CACNA1D: variants seen among roughly 807,000 people sequenced by gnomAD.
The protein encoded by CACNA1D is calcium voltage-gated channel subunit alpha1 D, also known as voltage-dependent L-type calcium channel subunit alpha-1D.
CACNA1D carries 55 observed loss-of-function variants against 257.1 expected under a neutral mutation model. The ratio of observed to expected loss-of-function variants is 0.21; its 90% CI spans 0.17 to 0.27. The LOEUF (loss-of-function observed/expected upper bound fraction) is 0.27, where lower values mean the gene tolerates loss of function less well. Among genes scored for constraint, CACNA1D ranks in the 10% least tolerant of loss-of-function variants. The pLI, the probability that CACNA1D is intolerant of heterozygous loss-of-function variation, is 1.00. For missense variants in CACNA1D, 1,876 were observed against 2,784.0 expected (o/e 0.67, Z 7.34); for synonymous variants, 980 against 1,014.9 (o/e 0.97, Z 0.65).
chr3:53,500,782 G>T (rs1041501451), intron 2 of CACNA1D, among the ~76,000 whole-genome samples: 7 of 152,288 alleles, frequency 4.6e-5, no homozygotes, highest in South Asian at 2.1e-4. Context: ...ACACCAGAAT[G>T]TTTAGGTAAG....
At chr3:53,593,389 A>G (rs1455382969) in intron 3 of CACNA1D, among the ~76,000 whole-genome samples, 2 of 152,192 alleles carry the variant, frequency 1.3e-5, no homozygotes, top group African/African-American at 2.4e-5. Context: ...TTAGGCCCAA[A>G]TGGTAAGCAA....
At chr3:53,623,935 G>T (rs762379678) in intron 3 of CACNA1D, among the ~76,000 whole-genome samples, 1 of 152,192 alleles carries the variant, frequency 6.6e-6, no homozygotes, top group African/African-American at 2.4e-5. Flanking sequence ...CGGGGACGGT[G>T]CAGAGTTCAT....
At chr3:53,569,357 T>A (rs11719461) in intron 3 of CACNA1D, among the ~76,000 whole-genome samples, 13,479 of 152,276 alleles carry the variant, frequency 0.089, 631 homozygotes, top group East Asian at 0.2. Flanking sequence ...GCTCACTGGC[T>A]TAGGCGTACG....
intron 3 of CACNA1D, among the ~76,000 whole-genome samples, chr3:53,643,345 A>G (rs1321809093): frequency 6.6e-6 from 1 of 152,036 alleles, no homozygotes; most frequent in Non-Finnish European, 1.5e-5. Context: ...TGGTTTACCC[A>G]CCAAAATTTT....
At chr3:53,607,855 G>A (rs769880367) in intron 3 of CACNA1D, among the ~76,000 whole-genome samples, 14 of 152,028 alleles carry the variant, frequency 9.2e-5, no homozygotes, top group East Asian at 3.9e-4. Context: ...TGTTTATTTC[G>A]GAACTTTCTA....
At chr3:53,656,275 C>T (rs1003093371) in intron 4 of CACNA1D, among the ~76,000 whole-genome samples, 1 of 151,988 alleles carries the variant, frequency 6.6e-6, no homozygotes, top group Non-Finnish European at 1.5e-5. Context: ...CTTTTTTGTT[C>T]CATATGAATT....
In CACNA1D at chr3:53,774,626, A is replaced by T. The variant is rs1472211329; in HGVS notation, c.4150A>T (p.Asn1384Tyr). ...TGCCATGAGAGATAACAACCAGATCAATAGGAACAATAACTTCCAGACGTT... is the reference window on the plus strand; with the variant it reads ...TGCCATGAGAGATAACAACCAGATCTATAGGAACAATAACTTCCAGACGTT... ...KVAMRDNNQI[N>Y]RNNNFQTFPQ... The change falls in exon 34 of 48, where the codon AAT (asparagine) becomes TAT (tyrosine). Residue 1384 changes from asparagine (N) to tyrosine (Y), a missense_variant. Physicochemically the swap from Asn to Tyr is moderately radical, Grantham distance 143. Coordinates refer to ENST00000350061, the MANE Select transcript of CACNA1D (RefSeq NM_001128840.3). The surrounding 1 kb of genome is among the most constrained non-coding windows in gnomAD (Gnocchi z 4.3). The T allele has an allele frequency of 6.2e-7, 1 of 1,612,366 alleles. No homozygotes were observed. Among genetic ancestry groups the T allele is most frequent in the Non-Finnish European group, 8.5e-7 (1 of 1,178,504 alleles).
At chr3:53,618,361 A>G (rs915184221) in intron 3 of CACNA1D, among the ~76,000 whole-genome samples, 4 of 152,204 alleles carry the variant, frequency 2.6e-5, no homozygotes, top group Non-Finnish European at 4.4e-5. Context: ...GCTCATGGGC[A>G]GCCTGGATTT....
At chr3:53,727,835 TTTC>T (rs2094950631) in intron 15 of CACNA1D, among the ~76,000 whole-genome samples, 1 of 152,222 alleles carries the variant, frequency 6.6e-6, no homozygotes, top group Admixed American at 6.5e-5. Flanking sequence ...CTGTAGGTGT[TTTC>T]TTCTTTATCT....
At chr3:53,617,272 C>CA (rs1356072442) in intron 3 of CACNA1D, among the ~76,000 whole-genome samples, 1 of 152,066 alleles carries the variant, frequency 6.6e-6, no homozygotes, top group Non-Finnish European at 1.5e-5. Context: ...CAATTCTCTC[C>CA]AAAGCCCTCC....
At chr3:53,620,491 AGT>A (rs1483058759) in intron 3 of CACNA1D, among the ~76,000 whole-genome samples, 1 of 152,172 alleles carries the variant, frequency 6.6e-6, no homozygotes, top group African/African-American at 2.4e-5. Context: ...GGGGTCTCAC[AGT>A]GTTGCCCAGA....
At chr3:53,735,741 C>G (rs954805402) in intron 20 of CACNA1D, among the ~76,000 whole-genome samples, 4 of 152,234 alleles carry the variant, frequency 2.6e-5, no homozygotes, top group Non-Finnish European at 5.9e-5. Flanking sequence ...CAGGAACGGT[C>G]AGTGAATTCA....
At chr3:53,741,862 A>G (rs1468987473) in intron 21 of CACNA1D, among the ~76,000 whole-genome samples, 1 of 152,208 alleles carries the variant, frequency 6.6e-6, no homozygotes, top group African/African-American at 2.4e-5. Flanking sequence ...TAGTTGTTAA[A>G]TGAATATAGT....
chr3:53,714,096 A>C (rs1470920278), intron 9 of CACNA1D, among the ~76,000 whole-genome samples: 1 of 152,054 alleles, frequency 6.6e-6, no homozygotes, highest in African/African-American at 2.4e-5. Flanking sequence ...ACTCACTGAA[A>C]GTAGTTTTTA....
chr3:53,725,046 T>C (rs1419033287), intron 14 of CACNA1D, among the ~76,000 whole-genome samples: 1 of 151,444 alleles, frequency 6.6e-6, no homozygotes, highest in Non-Finnish European at 1.5e-5. Flanking sequence ...CACAAAATTC[T>C]AATGTTACAA....
intron 3 of CACNA1D, among the ~76,000 whole-genome samples, chr3:53,637,424 A>G (rs752079298): frequency 1.3e-5 from 2 of 148,814 alleles, no homozygotes; most frequent in African/African-American, 2.5e-5. Context: ...GAATTTTTAT[A>G]TTCTTGCTGC....
chr3:53,495,918 G>C lies in CACNA1D; in HGVS notation c.67+685G>C, dbSNP rs1006436225. Among the ~76,000 whole-genome samples, 46 of 152,254 alleles carry C rather than the reference G, an allele frequency of 3.0e-4. 1 individual carries two copies. The highest frequency in any genetic ancestry group is 3.0e-3 in the Admixed American group (46 of 15,294). ...CAGCTTCCACGCCGGCCGGGGCTGG[G>C]TCGAGGGAGGATGGAGCAGCTCCTG... On this transcript the variant is annotated intron_variant, in intron 1 of 47. Coordinates refer to ENST00000350061, the MANE Select transcript of CACNA1D (RefSeq NM_001128840.3). The surrounding 1 kb of genome is among the most constrained non-coding windows in gnomAD (Gnocchi z 5.1).
At chr3:53,541,923 T>A (rs1644322721) in intron 3 of CACNA1D, among the ~76,000 whole-genome samples, 1 of 152,184 alleles carries the variant, frequency 6.6e-6, no homozygotes, top group Admixed American at 6.5e-5. Flanking sequence ...TATGATTCCA[T>A]TAATATGAAC....
At chr3:53,700,852 T>TTC (rs909156017) in intron 8 of CACNA1D, among the ~76,000 whole-genome samples, 1 of 151,474 alleles carries the variant, frequency 6.6e-6, no homozygotes, top group Non-Finnish European at 1.5e-5. Context: ...TTCTTTTCTT[T>TTC]TTTTTTTCCT....
Sources: gnomAD v4.1 joint callset for allele counts (sites outside exome capture counted in the v4.1 genomes callset) on GRCh38, gnomAD v4.1.1 for gene constraint, Gnocchi (gnomAD v3.1) non-coding constraint, MANE v1.5 for transcripts, NCBI Gene and HGNC (gene_info 2026-07-23, HGNC 2026-07-21) for gene names.